Variants in ZNF43 observed in about 807,000 individuals in gnomAD.
The protein encoded by ZNF43 is zinc finger protein 43.
In ZNF43, 44 loss-of-function variants were observed where a neutral mutation model predicts 68.4. That is an observed-to-expected ratio of 0.64 (90% confidence interval 0.51 to 0.83). The LOEUF is 0.83. ZNF43 is among the 40% of genes least tolerant of loss of function. ZNF43 has a pLI of 0.00. For missense variants in ZNF43, 896 were observed against 933.2 expected (o/e 0.96, Z 0.52); for synonymous variants, 308 against 307.8 (o/e 1.00, Z -0.01).
rs1187770058 is a variant in ZNF43 at position 21,807,055 on chromosome 19, A to C, written c.*552T>G. 1 of 152,070 alleles carries C rather than the reference A, an allele frequency of 6.6e-6. No homozygotes were observed. The highest frequency in any genetic ancestry group is 1.5e-5 in the Non-Finnish European group (1 of 68,018). The allele number at this position is 152,070 out of a possible 1,614,324, so 9.4% of individuals were successfully genotyped here. A position where few individuals can be genotyped will look rare whatever the true frequency, so the allele number is the denominator to read the frequency against. The stretch of plus-strand genomic sequence containing the variant: ...TTGTACTATCAACCAAGCATTATAG[A>C]CCCTCATGTTTTATAAGCTGTAGTT... On this transcript the variant is annotated 3_prime_UTR_variant, in exon 4 of 4. Transcript: ENST00000354959.
At chr19:21,851,779 G>A (rs1230586446) in intron 1 of ZNF43, 1 of 1,034,510 alleles carries the variant, frequency 9.7e-7, no homozygotes, top group Non-Finnish European at 1.3e-6. Flanking sequence ...GCCATCTTGC[G>A]GCCAGAGGGG....
At chr19:21,837,103 G>T (rs564457819), upstream of ZNF43, among the ~76,000 whole-genome samples, 2 of 152,282 alleles carry the variant, frequency 1.3e-5, no homozygotes, top group Admixed American at 1.3e-4. Flanking sequence ...TTAGTGGATA[G>T]TATTCCATTT....
In ZNF43 at chr19:21,843,075, T is replaced by A. The variant is rs535829034; in HGVS notation, c.30+8830A>T. Reference sequence around the variant, plus strand: ...GTCTAGGTAGGAGATTCATATCATCTGGGTGTTAGATCCAGTAATATGTTA... The same window carrying A: ...GTCTAGGTAGGAGATTCATATCATCAGGGTGTTAGATCCAGTAATATGTTA... On this transcript the variant is annotated intron_variant, in intron 1 of 3. Coordinates refer to the ZNF43 transcript ENST00000357491. 3.3e-5 allele frequency: 5 copies of A among 152,350 alleles called. No homozygotes were observed. In the East Asian group the frequency reaches 9.6e-4, roughly 29 times the overall value. 9.4% of individuals were successfully genotyped at this position (152,350 alleles called of 1,614,324 possible). A position where few individuals can be genotyped will look rare whatever the true frequency, so the allele number is the denominator to read the frequency against.
chr19:21,846,646 T>C (rs1431807538), intron 1 of ZNF43, among the ~76,000 whole-genome samples: 1 of 152,156 alleles, frequency 6.6e-6, no homozygotes, highest in Non-Finnish European at 1.5e-5. Context: ...ACTTTGATGC[T>C]GGGTTCACCA....
intron 1 of ZNF43, among the ~76,000 whole-genome samples, chr19:21,844,921 A>AAAAAAAAAATATATATATATATATATAT (rs1310761266): frequency 3.8e-5 from 1 of 26,050 alleles, no homozygotes; most frequent in African/African-American, 2.2e-4. Flanking sequence ...AAAAAAAAAA[A>AAAAAAAAAATATATATATATATATATAT]ATATATATAT....
At chr19:21,817,866 A>C in intron 3 of ZNF43, 22 bp downstream of exon 3, 3 of 1,591,478 alleles carry the variant, frequency 1.9e-6, no homozygotes, top group Non-Finnish European at 2.6e-6. Flanking sequence ...TGTTTGTTGT[A>C]TTCACTTTCA....
intron 2 of ZNF43, among the ~76,000 whole-genome samples, chr19:21,818,318 G>C (rs1396452009): frequency 6.6e-6 from 1 of 152,040 alleles, no homozygotes; most frequent in African/African-American, 2.4e-5. Context: ...GGTCAGGCTG[G>C]TCTCAAACTC....
At position 21,808,902 on chromosome 19, in the gene ZNF43, A is replaced by C. The variant is rs1355286404; in HGVS notation, c.1135T>G (p.Phe379Val). 1.9e-6 allele frequency: 3 copies of C among 1,613,694 alleles called. No individual in the cohort carries two copies. The highest frequency in any genetic ancestry group is 1.7e-5 in the Admixed American group (1 of 59,978). Residue 379 changes from phenylalanine to valine, a missense_variant, in exon 4 of 4, where the codon TTT (phenylalanine) becomes GTT (valine). By Grantham distance (50) the Phe-to-Val change is conservative. Coordinates refer to ENST00000354959, the MANE Select transcript of ZNF43 (RefSeq NM_003423.4). ...TTAGTAAGGTTTGAGGACCGGCTAA[A>C]AGCTTCACCACATTCTGTACATTTA... ...FYKCTECGEA[F>V]SRSSNLTKHK... is the part of the protein sequence containing the mutation.
Position 21,805,834 on chromosome 19 carries a change from A to G in ZNF43, c.*1773T>C, listed in dbSNP as rs576416088. On this transcript the variant is annotated 3_prime_UTR_variant, in exon 4 of 4. Transcript: ENST00000354959. ...AGAAATGTTAGTCCATTATGTTACC[A>G]AATAGTATATTGTTACCATCTTTTA... 1 of 151,960 alleles carries G rather than the reference A, an allele frequency of 6.6e-6. No individual in the cohort carries two copies. The highest frequency in any genetic ancestry group is 1.5e-5 in the Non-Finnish European group (1 of 67,972). 9.4% of individuals were successfully genotyped at this position (151,960 alleles called of 1,614,324 possible).
At chr19:21,820,220 TA>T (rs1224868582) in intron 1 of ZNF43, among the ~76,000 whole-genome samples, 1 of 146,614 alleles carries the variant, frequency 6.8e-6, no homozygotes, top group Non-Finnish European at 1.5e-5. Flanking sequence ...AATAATAATA[TA>T]TATATATAAT....
intron 1 of ZNF43, among the ~76,000 whole-genome samples, chr19:21,850,450 T>C (rs1968269953): frequency 6.6e-6 from 1 of 152,054 alleles, no homozygotes; most frequent in African/African-American, 2.4e-5. Context: ...ATCCCAGCAC[T>C]TCAGGAGACT....
rs553498081 is a variant in ZNF43 at position 21,818,463 on chromosome 19, C to T, written c.131-477G>A. 2.6e-5 allele frequency among the ~76,000 whole-genome samples: 4 copies of T among 152,184 alleles called. No homozygotes were observed. In the South Asian group the frequency reaches 8.3e-4, roughly 32 times the overall value. ...TGAGACAGAGTCTCACTCTGTTGCC[C>T]AGTCTGGAGTGCAGTGGCACGATCT... On this transcript the variant is annotated intron_variant, in intron 2 of 3. Transcript: ENST00000354959.
At chr19:21,836,192 G>A (rs1316543057), upstream of ZNF43, 15 of 1,519,292 alleles carry the variant, frequency 9.9e-6, no homozygotes, top group East Asian at 2.1e-4. Flanking sequence ...CAAAGGCCCC[G>A]CCACATCCCG....
chr19:21,809,907 G>A lies in ZNF43; in HGVS notation c.230-100C>T, dbSNP rs1313782721. The stretch of plus-strand genomic sequence containing the variant: ...ATCACACAAGCTACATAAGCAAGAT[G>A]TCATAGAAAAATACCACAGGCCCTA... On this transcript the variant is annotated intron_variant, in intron 3 of 3. Coordinates refer to ENST00000354959, the MANE Select transcript of ZNF43 (RefSeq NM_003423.4). 1.0e-5 allele frequency: 12 copies of A among 1,178,310 alleles called. No individual in the cohort carries two copies. In the East Asian group the frequency reaches 2.8e-4, roughly 27 times the overall value. The allele number at this position is 1,178,310 out of a possible 1,614,324, so 73.0% of individuals were successfully genotyped here.
intron 1 of ZNF43, among the ~76,000 whole-genome samples, chr19:21,821,623 TCAA>T (rs1330126279): frequency 6.6e-6 from 1 of 151,896 alleles, no homozygotes; most frequent in Non-Finnish European, 1.5e-5. Flanking sequence ...CTTCCCATGT[TCAA>T]CAACCATGAA....
chr19:21,824,044 C>T (rs1180192454), intron 1 of ZNF43, among the ~76,000 whole-genome samples: 1 of 152,070 alleles, frequency 6.6e-6, no homozygotes, highest in Non-Finnish European at 1.5e-5. Context: ...AAAAAATTAG[C>T]CGGGCGTGGT....
chr19:21,812,247 C>T (rs974152357), intron 3 of ZNF43, among the ~76,000 whole-genome samples: 2 of 152,288 alleles, frequency 1.3e-5, no homozygotes, highest in African/African-American at 4.8e-5. Flanking sequence ...CTGTCTCGGC[C>T]TCCCGAGTAG....
chr19:21,806,169 C>CTTTTTTTTTTTTTTTTTTTTTTTTTTTTT lies in ZNF43; in HGVS notation c.*1437_*1438insAAAAAAAAAAAAAAAAAAAAAAAAAAAAA, dbSNP rs74174041. On this transcript the variant is annotated 3_prime_UTR_variant, in exon 4 of 4. Coordinates refer to ENST00000354959, the MANE Select transcript of ZNF43 (RefSeq NM_003423.4). The stretch of plus-strand genomic sequence containing the variant: ...CTCCAGTTACATTTTCATCACGCAT[C>CTTTTTTTTTTTTTTTTTTTTTTTTTTTTT]TTTTTTTTTTTTTTTTTTCTTTTTG... 7.9e-6 allele frequency: 1 copy of CTTTTTTTTTTTTTTTTTTTTTTTTTTTTT among 126,122 alleles called. No homozygotes were observed. Among genetic ancestry groups the CTTTTTTTTTTTTTTTTTTTTTTTTTTTTT allele is most frequent in the African/African-American group, 2.9e-5 (1 of 35,062 alleles). 7.8% of individuals were successfully genotyped at this position (126,122 alleles called of 1,614,324 possible). A position where few individuals can be genotyped will look rare whatever the true frequency, so the allele number is the denominator to read the frequency against.
Position 21,807,812 on chromosome 19 carries a change from G to C in ZNF43, c.2225C>G (p.Ala742Gly). ...QPYKCEECGK[A>G]FNYSSHLNTH... ...ATTAAGGTGTGAGGAATAGTTAAAT[G>C]CTTTGCCACATTCTTCACATTTGTA... The change falls in exon 4 of 4, where the codon GCA becomes GGA. Residue 742 changes from alanine (A) to glycine (G), a missense_variant. Coordinates refer to ENST00000354959, the MANE Select transcript of ZNF43 (RefSeq NM_003423.4). 3.1e-6 allele frequency: 5 copies of C among 1,613,488 alleles called. No individual in the cohort carries two copies. In the South Asian group the frequency reaches 4.4e-5, roughly 14 times the overall value.
Sources: allele counts gnomAD v4.1 joint callset (sites outside exome capture counted in the v4.1 genomes callset), GRCh38; gene constraint gnomAD v4.1.1; transcripts MANE v1.5; gene names NCBI Gene and HGNC (gene_info 2026-07-23, HGNC 2026-07-21).